Variants in S100A8 observed in about 807,000 individuals in gnomAD.
S100A8 encodes protein S100-A8.
In S100A8, 1 loss-of-function variant was observed where a neutral mutation model predicts 4.2. The ratio of observed to expected loss-of-function variants is 0.24; its 90% CI spans 0.08 to 1.12. The LOEUF is 1.12. Ranked by LOEUF, S100A8 falls within the 50% of genes most tolerant of loss-of-function variation. S100A8 has a pLI of 0.53. For missense variants in S100A8, 96 were observed against 111.8 expected (o/e 0.86, Z 0.64); for synonymous variants, 41 against 44.7 (o/e 0.92, Z 0.33).
the S100A8 span, among the ~76,000 whole-genome samples, chr1:153,407,259 A>G: frequency 5.3e-5 from 8 of 152,070 alleles, no homozygotes; most frequent in African/African-American, 1.7e-4. Context: ...AAATCAGGTC[A>G]CTCCCACCCT....
At chr1:153,415,671 A>G in the S100A8 span, among the ~76,000 whole-genome samples, 1 of 148,916 alleles carries the variant, frequency 6.7e-6, no homozygotes, top group Non-Finnish European at 1.5e-5. Flanking sequence ...GGGGCAGGAA[A>G]GAACTTTTCC....
chr1:153,403,386 A>G, the S100A8 span, among the ~76,000 whole-genome samples: 9 of 152,264 alleles, frequency 5.9e-5, no homozygotes, highest in African/African-American at 1.2e-4. Context: ...TTGAAAATCA[A>G]TTGACTGTGA....
chr1:153,410,911 CT>C, the S100A8 span, among the ~76,000 whole-genome samples: 1 of 152,152 alleles, frequency 6.6e-6, no homozygotes, highest in African/African-American at 2.4e-5. Flanking sequence ...CAGAAAAGGC[CT>C]TTGACAAAAT....
At chr1:153,390,947 T>C in intron 1 of S100A8, 94 bp downstream of exon 1, 2 of 914,486 alleles carry the variant, frequency 2.2e-6, no homozygotes, top group South Asian at 4.6e-5. Flanking sequence ...CTCCCTGAGC[T>C]TTCTCTCTCC....
the S100A8 span, chr1:153,418,088 C>G: frequency 1.8e-5 from 29 of 1,613,852 alleles, no homozygotes; most frequent in Non-Finnish European, 4.2e-6. Flanking sequence ...CAAAGATGAG[C>G]AACACTCAAG....
At chr1:153,414,756 C>A in the S100A8 span, among the ~76,000 whole-genome samples, 1 of 152,214 alleles carries the variant, frequency 6.6e-6, no homozygotes, top group African/African-American at 2.4e-5. Context: ...AAATCACACT[C>A]TTCGGGATTT....
At position 153,391,042 on chromosome 1, in the gene S100A8, A is replaced by G; in HGVS notation, c.-24T>C. 4 of 986,732 alleles carry G rather than the reference A, an allele frequency of 4.1e-6. No individual in the cohort carries two copies. The highest frequency in any genetic ancestry group is 4.8e-6 in the Non-Finnish European group (4 of 830,608). The allele number at this position is 986,732 out of a possible 1,614,324, so 61.1% of individuals were successfully genotyped here. ...GCCAACCCAGACAGTCCCACTTACC[A>G]GGTCTTCTGAAAGACAGCTGACAAG... On this transcript the variant is annotated splice_region_variant and 5_prime_UTR_variant, in exon 1 of 3. Coordinates refer to ENST00000368733, the MANE Select transcript of S100A8 (RefSeq NM_002964.5).
the S100A8 span, among the ~76,000 whole-genome samples, chr1:153,410,264 T>C: frequency 1.3e-5 from 2 of 151,226 alleles, no homozygotes; most frequent in African/African-American, 4.9e-5. Flanking sequence ...GAGAGAAGAA[T>C]CAAATAGACG....
chr1:153,416,086 G>A, the S100A8 span, among the ~76,000 whole-genome samples: 123 of 152,342 alleles, frequency 8.1e-4, 2 homozygotes, highest in South Asian at 0.024. Context: ...GTGTCTTGAT[G>A]TCTAGACATT....
the S100A8 span, among the ~76,000 whole-genome samples, chr1:153,406,349 C>T: frequency 6.6e-6 from 1 of 152,106 alleles, no homozygotes; most frequent in African/African-American, 2.4e-5. Flanking sequence ...GGGATGATGG[C>T]TCTGCCTGGA....
the S100A8 span, among the ~76,000 whole-genome samples, chr1:153,400,619 C>G: frequency 4.6e-5 from 7 of 152,200 alleles, no homozygotes; most frequent in Non-Finnish European, 1.0e-4. Context: ...CCTTCATCTA[C>G]TCAACATAAA....
chr1:153,402,126 G>A, the S100A8 span, among the ~76,000 whole-genome samples: 1 of 152,192 alleles, frequency 6.6e-6, no homozygotes, highest in South Asian at 2.1e-4. Context: ...GGAGTCCCTA[G>A]GCTGCTTCTG....
chr1:153,419,664 C>A, the S100A8 span: 4 of 271,898 alleles, frequency 1.5e-5, no homozygotes, highest in Non-Finnish European at 2.8e-5. Context: ...AAGGCATGGA[C>A]CAGGGTCATT....
chr1:153,415,809 C>T, the S100A8 span, among the ~76,000 whole-genome samples: 1 of 152,128 alleles, frequency 6.6e-6, no homozygotes, highest in African/African-American at 2.4e-5. Flanking sequence ...GAGGGGCTGA[C>T]CAATGGTTAG....
chr1:153,396,255 G>T, the S100A8 span, among the ~76,000 whole-genome samples: 10 of 151,032 alleles, frequency 6.6e-5, no homozygotes, highest in African/African-American at 2.5e-4. Context: ...CCTGGAGATA[G>T]AAGCTGTTTC....
At chr1:153,401,883 A>C in the S100A8 span, among the ~76,000 whole-genome samples, 1 of 152,150 alleles carries the variant, frequency 6.6e-6, no homozygotes, top group African/African-American at 2.4e-5. Flanking sequence ...GATTTTTGCC[A>C]GTTCTTACCA....
chr1:153,403,198 T>C, the S100A8 span, among the ~76,000 whole-genome samples: 1 of 152,252 alleles, frequency 6.6e-6, no homozygotes, highest in South Asian at 2.1e-4. Context: ...TATATTTTCT[T>C]CTAAGAGTTT....
the S100A8 span, among the ~76,000 whole-genome samples, chr1:153,413,625 G>T: frequency 6.6e-6 from 1 of 152,300 alleles, no homozygotes. Context: ...CTATTGCCAG[G>T]TGCAGTGGCT....
At chr1:153,416,473 GA>G in the S100A8 span, 1 of 381,224 alleles carries the variant, frequency 2.6e-6, no homozygotes, top group Non-Finnish European at 5.3e-6. Flanking sequence ...CAACCCGTGG[GA>G]AGAGCCAGGC....
Sources: gnomAD v4.1 joint callset for allele counts (sites outside exome capture counted in the v4.1 genomes callset) on GRCh38, gnomAD v4.1.1 for gene constraint, MANE v1.5 for transcripts, NCBI Gene and HGNC (gene_info 2026-07-23, HGNC 2026-07-21) for gene names.